REEP5: variants seen among roughly 807,000 people sequenced by gnomAD.
The protein encoded by REEP5 is receptor accessory protein 5, also known as receptor expression-enhancing protein 5.
A neutral mutation model predicts 22.4 loss-of-function variants in REEP5; 24 were observed. That is an observed-to-expected ratio of 1.07 (90% CI 0.78 to 1.51). The LOEUF (loss-of-function observed/expected upper bound fraction) is 1.51, where lower values mean the gene tolerates loss of function less well. REEP5 is among the 40% of genes most tolerant of loss of function. The pLI is 0.00. For missense variants in REEP5, 252 were observed against 233.0 expected (o/e 1.08, Z -0.53); for synonymous variants, 103 against 88.6 (o/e 1.16, Z -0.92).
At chr5:112,919,010 A>G (rs541778161) in intron 2 of REEP5, among the ~76,000 whole-genome samples, 1 of 152,356 alleles carries the variant, frequency 6.6e-6, no homozygotes, top group African/African-American at 2.4e-5. Flanking sequence ...ATTTCTTGCC[A>G]TATCTAAAGT....
chr5:112,892,062 G>A (rs1768478416), intron 3 of REEP5: 11 of 1,562,776 alleles, frequency 7.0e-6, no homozygotes, highest in South Asian at 5.6e-5. Context: ...AGGAAGCTGT[G>A]CAGAAGATGC....
At chr5:112,893,164 C>G (rs1180500707) in intron 3 of REEP5, 1 of 626,908 alleles carries the variant, frequency 1.6e-6, no homozygotes, top group African/African-American at 1.9e-5. Flanking sequence ...AATCCCAGCA[C>G]TTTAGGAGGC....
At chr5:112,914,978 T>A (rs1234382120) in intron 2 of REEP5, among the ~76,000 whole-genome samples, 1 of 152,258 alleles carries the variant, frequency 6.6e-6, no homozygotes. Flanking sequence ...TCTGCCATAT[T>A]AATTCATACT....
intron 2 of REEP5, among the ~76,000 whole-genome samples, chr5:112,913,015 A>G (rs2150047410): frequency 6.6e-6 from 1 of 152,326 alleles, no homozygotes; most frequent in Non-Finnish European, 1.5e-5. Context: ...AAGACTAATG[A>G]AAGACTGACC....
intron 3 of REEP5, chr5:112,895,242 A>AAAAAAAAAAAAAC: frequency 6.6e-6 from 1 of 150,486 alleles, no homozygotes; most frequent in Non-Finnish European, 1.5e-5. Context: ...TGTCTCAAAA[A>AAAAAAAAAAAAAC]AAAAAAAAAA....
At chr5:112,893,826 A>G (rs434090) in intron 3 of REEP5, 54,949 of 152,152 alleles carry the variant, frequency 0.36, 10,233 homozygotes, top group African/African-American at 0.45. Context: ...AGTATGTGCA[A>G]GTAGTTCGAT....
At chr5:112,891,723 G>A (rs1460338094) in intron 3 of REEP5, 1 of 1,613,906 alleles carries the variant, frequency 6.2e-7, no homozygotes, top group Admixed American at 1.7e-5. Flanking sequence ...GGGCCGCCCT[G>A]AAGAAGGAGA....
At chr5:112,898,817 A>G (rs1315325722) in intron 3 of REEP5, among the ~76,000 whole-genome samples, 2 of 152,220 alleles carry the variant, frequency 1.3e-5, no homozygotes, top group Non-Finnish European at 2.9e-5. Context: ...ATGACTTTGA[A>G]TAATAAAAAC....
rs201484498 is a variant in REEP5 at position 112,921,265 on chromosome 5, C to A, written c.119-9G>T. 75 of 1,613,710 alleles carry A rather than the reference C, an allele frequency of 4.6e-5. No individual in the cohort carries two copies. Among genetic ancestry groups the A allele is most frequent in the Non-Finnish European group, 6.2e-5 (73 of 1,179,884 alleles). Reference sequence around the variant, plus strand: ...CACCAGTCCGATGACACCTGGGGACCACAAGGAGAGAAGTGGGTCGGGCAG... The same window carrying A: ...CACCAGTCCGATGACACCTGGGGACAACAAGGAGAGAAGTGGGTCGGGCAG... On this transcript the variant is annotated splice_polypyrimidine_tract_variant and intron_variant, in intron 1 of 4. Coordinates refer to ENST00000379638, the MANE Select transcript of REEP5 (RefSeq NM_005669.5).
intron 2 of REEP5, among the ~76,000 whole-genome samples, chr5:112,917,464 G>A (rs1310335709): frequency 2.6e-5 from 4 of 152,218 alleles, no homozygotes; most frequent in African/African-American, 9.6e-5. Flanking sequence ...GAAATAAAAA[G>A]AGGAAAAGTA....
At chr5:112,907,927 G>T (rs979990210) in intron 2 of REEP5, among the ~76,000 whole-genome samples, 1 of 151,952 alleles carries the variant, frequency 6.6e-6, no homozygotes, top group African/African-American at 2.4e-5. Context: ...GACCAAGAAT[G>T]ATATCCAGAA....
At chr5:112,884,301 C>A (rs553793608) in intron 4 of REEP5, among the ~76,000 whole-genome samples, 2 of 152,242 alleles carry the variant, frequency 1.3e-5, no homozygotes, top group African/African-American at 4.8e-5. Flanking sequence ...TAGATCACTT[C>A]TTTTGTTGCT....
At chr5:112,907,666 T>G (rs537150340) in intron 2 of REEP5, among the ~76,000 whole-genome samples, 1 of 152,226 alleles carries the variant, frequency 6.6e-6, no homozygotes, top group East Asian at 1.9e-4. Context: ...CTACATTTTA[T>G]ATAGACAAAA....
rs375537407 is a variant in REEP5, at chr5:112,911,214, G to T, written c.213-8696C>A. On this transcript the variant is annotated intron_variant, in intron 2 of 4. Transcript: ENST00000379638. ...GCGAGGAAGATTATACTCCAAAGTC[G>T]CTGGAAAAGAGCATGGATTTCTGCT... 1.6e-3 allele frequency among the ~76,000 whole-genome samples: 236 copies of T among 152,252 alleles called. 1 individual carries two copies. Among genetic ancestry groups the T allele is most frequent in the African/African-American group, 5.5e-3 (228 of 41,542 alleles).
intron 2 of REEP5, among the ~76,000 whole-genome samples, chr5:112,918,194 G>C (rs1363982408): frequency 6.6e-6 from 1 of 152,138 alleles, no homozygotes. Context: ...AGTCAGAGAT[G>C]AAAGACCCTG....
chr5:112,884,581 G>T (rs746157520), intron 4 of REEP5, among the ~76,000 whole-genome samples: 6 of 151,800 alleles, frequency 4.0e-5, no homozygotes, highest in Non-Finnish European at 7.4e-5. Flanking sequence ...CTCCATAGGA[G>T]ACCCTGTCAC....
chr5:112,917,963 T>G (rs1349718077), intron 2 of REEP5, among the ~76,000 whole-genome samples: 3 of 152,206 alleles, frequency 2.0e-5, no homozygotes, highest in African/African-American at 7.2e-5. Flanking sequence ...CTGAACTGCA[T>G]ACTTTAAAAG....
chr5:112,891,531 A>C, intron 3 of REEP5: 1 of 1,463,452 alleles, frequency 6.8e-7, no homozygotes, highest in Non-Finnish European at 9.3e-7. Flanking sequence ...AATACTAGAA[A>C]ACATAAAATA....
In REEP5 at chr5:112,922,081, A is replaced by G. The variant is rs1351708572; in HGVS notation, c.110T>C (p.Ile37Thr). ...EAKTGVNRSF[I>T]ALGVIGLVAL... ...GACCCCCGGCCACCCACCAAGAGCG[A>G]TGAAGCTCCTGTTCACGCCGGTTTT... Residue 37 changes from isoleucine (I) to threonine (T), a missense_variant, in exon 1 of 5, where the codon ATC (isoleucine) becomes ACC (threonine). Coordinates refer to ENST00000379638, the MANE Select transcript of REEP5 (RefSeq NM_005669.5). 6.9e-6 allele frequency: 11 copies of G among 1,599,682 alleles called. No homozygotes were observed. The highest frequency in any genetic ancestry group is 9.4e-6 in the Non-Finnish European group (11 of 1,173,520).
Sources: allele counts gnomAD v4.1 joint callset (sites outside exome capture counted in the v4.1 genomes callset), GRCh38; gene constraint gnomAD v4.1.1; transcripts MANE v1.5; gene names NCBI Gene and HGNC (gene_info 2026-07-23, HGNC 2026-07-21).